The following PCDHA7 variants were observed in gnomAD, a reference collection of about 807,000 sequenced individuals.
The protein encoded by PCDHA7 is protocadherin alpha 7.
Under a neutral mutation model 57.2 loss-of-function variants are expected in PCDHA7, and 37 were observed. The ratio of observed to expected loss-of-function variants is 0.65; its 90% CI spans 0.50 to 0.85. The LOEUF (loss-of-function observed/expected upper bound fraction) is 0.85, where lower values mean the gene tolerates loss of function less well. PCDHA7 is among the 40% of genes least tolerant of loss of function. The pLI is 0.00. For missense variants in PCDHA7, 1,188 were observed against 1,241.8 expected (o/e 0.96, Z 0.65); for synonymous variants, 553 against 558.8 (o/e 0.99, Z 0.15).
intron 3 of PCDHA7, among the ~76,000 whole-genome samples, chr5:141,008,574 A>G (rs1554261815): frequency 1.3e-5 from 2 of 152,164 alleles, no homozygotes; most frequent in Admixed American, 1.3e-4. Context: ...TCATTTTCCC[A>G]AGACTCAGGG....
Position 140,851,538 on chromosome 5 carries a change from A to G in PCDHA7, c.2355+14800A>G. 2.2e-6 allele frequency: 2 copies of G among 905,392 alleles called. 1 individual carries two copies. The highest frequency in any genetic ancestry group is 2.7e-6 in the Non-Finnish European group (2 of 743,116). The allele number at this position is 905,392 out of a possible 1,614,324, so 56.1% of individuals were successfully genotyped here. A position where few individuals can be genotyped will look rare whatever the true frequency, so the allele number is the denominator to read the frequency against. Reference sequence around the variant, plus strand: ...TTTTAAAATGCCTGACAATGTAGATAATTCAAGAAATGTTGACTGAAATTT... The same window carrying G: ...TTTTAAAATGCCTGACAATGTAGATGATTCAAGAAATGTTGACTGAAATTT... On this transcript the variant is annotated intron_variant, in intron 1 of 3. Coordinates refer to ENST00000525929, the MANE Select transcript of PCDHA7 (RefSeq NM_018910.3).
At chr5:140,987,223 A>C (rs1269747690) in intron 3 of PCDHA7, among the ~76,000 whole-genome samples, 1 of 151,456 alleles carries the variant, frequency 6.6e-6, no homozygotes, top group African/African-American at 2.4e-5. Flanking sequence ...CAAAAAAAAA[A>C]AAAATAATAA....
intron 3 of PCDHA7, among the ~76,000 whole-genome samples, chr5:141,000,395 C>CTATA (rs1190667031): frequency 1.7e-4 from 9 of 53,980 alleles, no homozygotes; most frequent in Admixed American, 6.3e-4. Flanking sequence ...CTCTCTCTCT[C>CTATA]TATATATATA....
intron 1 of PCDHA7, chr5:140,927,513 C>T (rs371881938): frequency 2.2e-5 from 36 of 1,614,062 alleles, no homozygotes; most frequent in South Asian, 3.3e-5. Flanking sequence ...CAGCTCGGGA[C>T]GGCGGGCTAC....
intron 1 of PCDHA7, chr5:140,968,074 C>T (rs781940696): frequency 1.2e-6 from 2 of 1,614,020 alleles, no homozygotes; most frequent in African/African-American, 1.3e-5. Context: ...CTGTCTACAA[C>T]ATCACGGTGA....
At chr5:140,853,149 G>T in intron 1 of PCDHA7, 1 of 844,586 alleles carries the variant, frequency 1.2e-6, no homozygotes, top group Non-Finnish European at 1.5e-6. Flanking sequence ...AAAATGCTGG[G>T]ATTACAGGCG....
intron 1 of PCDHA7, among the ~76,000 whole-genome samples, chr5:140,910,102 A>G (rs1206018595): frequency 2.6e-5 from 4 of 152,184 alleles, no homozygotes; most frequent in African/African-American, 9.7e-5. Context: ...CCTCCCCTTC[A>G]TTTAAGGGAT....
chr5:140,880,147 A>G (rs986031880), intron 1 of PCDHA7, among the ~76,000 whole-genome samples: 1 of 152,254 alleles, frequency 6.6e-6, no homozygotes, highest in African/African-American at 2.4e-5. Context: ...AAAGTGCAAT[A>G]TATCAAGTAT....
intron 1 of PCDHA7, among the ~76,000 whole-genome samples, chr5:140,902,647 G>A (rs1286700570): frequency 6.6e-6 from 1 of 150,932 alleles, no homozygotes; most frequent in African/African-American, 2.4e-5. Context: ...CTGAGATTTT[G>A]GTGCACCTGT....
At chr5:140,909,215 AC>A (rs1554193695) in intron 1 of PCDHA7, among the ~76,000 whole-genome samples, 1 of 152,160 alleles carries the variant, frequency 6.6e-6, no homozygotes, top group African/African-American at 2.4e-5. Flanking sequence ...GAGTTGATAT[AC>A]CCCTGAGGTA....
At chr5:140,841,950 T>C (rs1580983640) in intron 1 of PCDHA7, 1 of 1,613,892 alleles carries the variant, frequency 6.2e-7, no homozygotes. Context: ...GCGCACCACT[T>C]ATTCCTGACA....
chr5:140,967,728 G>C (rs781785028), intron 1 of PCDHA7: 13 of 1,614,176 alleles, frequency 8.1e-6, no homozygotes, highest in Non-Finnish European at 1.1e-5. Flanking sequence ...CGAGTAATTG[G>C]GGGGCTGGAT....
intron 1 of PCDHA7, among the ~76,000 whole-genome samples, chr5:140,900,706 A>G (rs1279378955): frequency 6.6e-6 from 1 of 152,154 alleles, no homozygotes; most frequent in Admixed American, 6.5e-5. Flanking sequence ...GTTCTTTTGG[A>G]AAGAAAGGAA....
At chr5:140,878,577 G>A (rs1228813773) in intron 1 of PCDHA7, among the ~76,000 whole-genome samples, 2 of 152,122 alleles carry the variant, frequency 1.3e-5, no homozygotes, top group African/African-American at 2.4e-5. Context: ...GTATACCACT[G>A]CCCTGTGCCT....
At chr5:140,985,739 C>CTTTTTT (rs11372071) in intron 3 of PCDHA7, among the ~76,000 whole-genome samples, 3 of 117,922 alleles carry the variant, frequency 2.5e-5, no homozygotes, top group Non-Finnish European at 1.7e-5. Context: ...TGATGAATTC[C>CTTTTTT]TTTTTTTTTT....
At chr5:140,981,342 G>A (rs2096927846) in intron 2 of PCDHA7, among the ~76,000 whole-genome samples, 1 of 152,176 alleles carries the variant, frequency 6.6e-6, no homozygotes, top group African/African-American at 2.4e-5. Flanking sequence ...GGGAGGGTGA[G>A]GCAGGTGGAT....
At chr5:140,935,894 CTTT>C (rs55841305) in intron 1 of PCDHA7, among the ~76,000 whole-genome samples, 2 of 136,728 alleles carry the variant, frequency 1.5e-5, no homozygotes, top group African/African-American at 2.7e-5. Context: ...TCAATATTAT[CTTT>C]TTTTTTTTTT....
chr5:140,988,009 A>C (rs1223658003), intron 3 of PCDHA7, among the ~76,000 whole-genome samples: 3 of 152,204 alleles, frequency 2.0e-5, no homozygotes, highest in Non-Finnish European at 4.4e-5. Context: ...CCCCAGAAAG[A>C]AAGCATGATT....
At position 140,875,871 on chromosome 5, in the gene PCDHA7, C is replaced by G. The variant is rs2055892299; in HGVS notation, c.2355+39133C>G. On this transcript the variant is annotated intron_variant, in intron 1 of 3. Transcript: ENST00000525929. ...ACATTAACGACAACCCGCCGGTGTT[C>G]AGAGAAAGGGAACAAAAGGTACCTG... 3 of 1,614,188 alleles carry G rather than the reference C, an allele frequency of 1.9e-6. No individual in the cohort carries two copies. The highest frequency in any genetic ancestry group is 2.5e-6 in the Non-Finnish European group (3 of 1,180,036).
Sources: gnomAD v4.1 joint callset for allele counts (sites outside exome capture counted in the v4.1 genomes callset) on GRCh38, gnomAD v4.1.1 for gene constraint, MANE v1.5 for transcripts, NCBI Gene and HGNC (gene_info 2026-07-23, HGNC 2026-07-21) for gene names.